The following LPO variants were observed in gnomAD, a reference collection of about 807,000 sequenced individuals.
The protein encoded by LPO is lactoperoxidase.
Under a neutral mutation model 68.4 loss-of-function variants are expected in LPO, and 70 were observed. The ratio of observed to expected loss-of-function variants is 1.02; its 90% CI spans 0.84 to 1.25. The LOEUF (loss-of-function observed/expected upper bound fraction) is 1.25, where lower values mean the gene tolerates loss of function less well. Ranked by LOEUF, LPO falls within the 50% of genes most tolerant of loss-of-function variation. LPO has a pLI of 0.00. For missense variants in LPO, 873 were observed against 908.4 expected (o/e 0.96, Z 0.50); for synonymous variants, 360 against 357.6 (o/e 1.01, Z -0.08).
At chr17:58,249,238 GCCTTTGTC>G (rs1969910372) in intron 5 of LPO, 61 bp downstream of exon 5, 50 of 1,485,946 alleles carry the variant, frequency 3.4e-5, no homozygotes, top group Non-Finnish European at 4.7e-5. Context: ...CCCTGCCAAG[GCCTTTGTC>G]CCTTGGGCAC....
At chr17:58,248,893 C>A (rs1969901226) in intron 4 of LPO, among the ~76,000 whole-genome samples, 167 bp from the exon 5 acceptor site, 4 of 152,236 alleles carry the variant, frequency 2.6e-5, no homozygotes, top group African/African-American at 9.6e-5. Flanking sequence ...AAATGTATTA[C>A]CTTAATGTGC....
At chr17:58,255,094 C>T in intron 9 of LPO, 123 bp downstream of exon 9, 4 of 916,916 alleles carry the variant, frequency 4.4e-6, no homozygotes, top group South Asian at 1.7e-5. Context: ...TCCCCCGGCC[C>T]CTCTGCTGCT....
chr17:58,244,653 G>A (rs1353466764), intron 3 of LPO, among the ~76,000 whole-genome samples: 1 of 152,232 alleles, frequency 6.6e-6, no homozygotes, highest in Non-Finnish European at 1.5e-5. Context: ...TTGGAGCGAG[G>A]GAGCAGAGCC....
intron 1 of LPO, among the ~76,000 whole-genome samples, chr17:58,240,719 T>C (rs943004151): frequency 6.6e-6 from 1 of 152,206 alleles, no homozygotes; most frequent in Non-Finnish European, 1.5e-5. Context: ...TTGTTTCCTG[T>C]TCAAATTTCT....
At chr17:58,266,443 G>A (rs961962909) in intron 11 of LPO, 117 bp downstream of exon 11, 5 of 1,205,440 alleles carry the variant, frequency 4.1e-6, no homozygotes, top group South Asian at 1.6e-5. Flanking sequence ...TGAAACAAAA[G>A]TCAGGCCAGT....
At chr17:58,267,621 G>A in intron 12 of LPO, 35 bp downstream of exon 12, 1 of 1,555,852 alleles carries the variant, frequency 6.4e-7, no homozygotes, top group East Asian at 2.3e-5. Flanking sequence ...GGAAGGGCAG[G>A]GCCCTTCTCC....
rs1441557717 is a variant in LPO at position 58,249,184 on chromosome 17, G to A, written c.443+7G>A. On this transcript the variant is annotated splice_region_variant and intron_variant, in intron 5 of 12. Transcript: ENST00000262290. ...CGGGAGACTGCAATAACAGGTGGCG[G>A]GGCTTGGGGTGTGGGGGCCGACCAT... 15 of 1,612,262 alleles carry A rather than the reference G, an allele frequency of 9.3e-6. No individual in the cohort carries two copies. The highest frequency in any genetic ancestry group is 1.2e-5 in the Non-Finnish European group (14 of 1,178,552).
At chr17:58,252,131 G>A (rs1316409110) in intron 7 of LPO, 51 bp from the exon 8 acceptor site, 1 of 1,564,410 alleles carries the variant, frequency 6.4e-7, no homozygotes, top group East Asian at 2.2e-5. Flanking sequence ...AGGTTGCCAG[G>A]ACCCAGCTGT....
At chr17:58,262,201 A>G (rs1323350071) in intron 9 of LPO, among the ~76,000 whole-genome samples, 1 of 152,194 alleles carries the variant, frequency 6.6e-6, no homozygotes, top group Non-Finnish European at 1.5e-5. Context: ...GTCTGTGTGC[A>G]GCAAATTCTC....
In LPO at chr17:58,243,992, A is replaced by G; in HGVS notation, c.77-2A>G. On this transcript the variant is annotated splice_acceptor_variant, in intron 2 of 12. Coordinates refer to ENST00000262290, the MANE Select transcript of LPO (RefSeq NM_006151.3). LOFTEE classifies it high-confidence loss of function. Reference sequence around the variant, plus strand: ...CTTCCTGCTCCCCACTCCAACCCCAAGCGCAGACTACCAGAACCTCTGCCA... The same window carrying G: ...CTTCCTGCTCCCCACTCCAACCCCAGGCGCAGACTACCAGAACCTCTGCCA... 1 of 1,613,046 alleles carries G rather than the reference A, an allele frequency of 6.2e-7. No individual in the cohort carries two copies. Among genetic ancestry groups the G allele is most frequent in the Admixed American group, 1.7e-5 (1 of 59,970 alleles).
chr17:58,267,201 TA>T, intron 11 of LPO, 147 bp from the exon 12 acceptor site: 1 of 615,250 alleles, frequency 1.6e-6, no homozygotes, highest in Non-Finnish European at 2.8e-6. Flanking sequence ...GAAGTGCAGA[TA>T]AAAAACAATG....
intron 3 of LPO, among the ~76,000 whole-genome samples, chr17:58,246,575 A>C (rs980559434): frequency 2.6e-5 from 4 of 152,186 alleles, no homozygotes; most frequent in African/African-American, 9.7e-5. Context: ...TGCAGAGCCC[A>C]GGGCCGGGCG....
chr17:58,249,207 C>A (rs764496832), intron 5 of LPO, 30 bp downstream of exon 5: 4 of 1,572,298 alleles, frequency 2.5e-6, no homozygotes, highest in Non-Finnish European at 2.6e-6. Flanking sequence ...GGGGGCCGAC[C>A]ATTCCAGCCA....
At position 58,267,856 on chromosome 17, in the gene LPO, A is replaced by T. The variant is rs759695648; in HGVS notation, c.2001A>T (p.Ser667=). The change falls in exon 13 of 13, where the codon TCA becomes TCT. Residue 667 remains serine (S), a synonymous_variant. Transcript: ENST00000262290. ...ACTCTCTACAGAAAATGTCCTTCTC[A>T]CGCCTTGTCTGTGACAACACCCGCA... The part of the protein sequence containing the change: ...QKDSLQKMSF[S]RLVCDNTRIT... The T allele has an allele frequency of 1.9e-6, 3 of 1,613,976 alleles. No individual in the cohort carries two copies. Among genetic ancestry groups the T allele is most frequent in the African/African-American group, 2.7e-5 (2 of 74,892 alleles).
At chr17:58,243,678 G>A (rs1335773126) in intron 2 of LPO, 1 of 424,176 alleles carries the variant, frequency 2.4e-6, no homozygotes, top group African/African-American at 2.0e-5. Flanking sequence ...ATCTCACCAG[G>A]AACCAGAGAA....
chr17:58,256,826 C>CAA lies in LPO; in HGVS notation c.1266+1871_1266+1872dup, dbSNP rs969464308. Among the ~76,000 whole-genome samples, 333 of 74,554 alleles carry CAA rather than the reference C, an allele frequency of 4.5e-3. 5 individuals carry two copies. Among genetic ancestry groups the CAA allele is most frequent in the African/African-American group, 0.014 (319 of 22,962 alleles). The allele number at this position is 74,554 out of a possible 152,430, so 48.9% of individuals were successfully genotyped here. A position where few individuals can be genotyped will look rare whatever the true frequency, so the allele number is the denominator to read the frequency against. The stretch of plus-strand genomic sequence containing the variant: ...TGGGCAACAGAGTGAGACTCCCTTT[C>CAA]AAAAAAAAAAAAAAAAAGAATGAGG... On this transcript the variant is annotated intron_variant, in intron 9 of 12. Coordinates refer to ENST00000262290, the MANE Select transcript of LPO (RefSeq NM_006151.3).
intron 9 of LPO, among the ~76,000 whole-genome samples, chr17:58,258,914 G>A (rs1970122838): frequency 1.3e-5 from 2 of 152,056 alleles, no homozygotes; most frequent in African/African-American, 4.8e-5. Context: ...TTTTCAAATT[G>A]GACTATTTGA....
In LPO at chr17:58,252,509, G is replaced by A. The variant is rs1315907502; in HGVS notation, c.1105+3G>A. On this transcript the variant is annotated splice_donor_region_variant and intron_variant, in intron 8 of 12. Transcript: ENST00000262290. ...CCGTGTGCCCTGCTTCCTGGCAGGT[G>A]AGTCTAGCCTGGGAACAGAAGGGCC... 6 of 1,609,070 alleles carry A rather than the reference G, an allele frequency of 3.7e-6. No individual in the cohort carries two copies. Among genetic ancestry groups the A allele is most frequent in the Non-Finnish European group, 5.1e-6 (6 of 1,176,782 alleles).
intron 9 of LPO, among the ~76,000 whole-genome samples, chr17:58,256,060 CTA>C (rs1970064279): frequency 6.6e-6 from 1 of 152,168 alleles, no homozygotes; most frequent in African/African-American, 2.4e-5. Context: ...TTCTCCATCT[CTA>C]TGTTATTTCA....
Sources: allele counts gnomAD v4.1 joint callset (sites outside exome capture counted in the v4.1 genomes callset), GRCh38; gene constraint gnomAD v4.1.1; transcripts MANE v1.5; gene names NCBI Gene and HGNC (gene_info 2026-07-23, HGNC 2026-07-21).